Variants in NCKAP5 observed in about 807,000 individuals in gnomAD.
NCKAP5 encodes the protein NCK associated protein 5, also known as nck-associated protein 5.
Under a neutral mutation model 167.0 loss-of-function variants are expected in NCKAP5, and 92 were observed. The observed-to-expected ratio is 0.55, with a 90% CI of 0.47 to 0.66. NCKAP5 has a LOEUF of 0.66. NCKAP5 is among the 30% of genes least tolerant of loss of function. The pLI is 0.00. For synonymous variants in NCKAP5, 891 were observed against 877.4 expected, an observed-to-expected ratio of 1.02 and a Z score of -0.27; for missense variants, 2,378 against 2,315.0, an observed-to-expected ratio of 1.03 and a Z score of -0.56.
the NCKAP5 span, among the ~76,000 whole-genome samples, chr2:133,625,381 C>T: frequency 6.6e-6 from 1 of 152,140 alleles, no homozygotes; most frequent in African/African-American, 2.4e-5. Context: ...TCTTGTAGAA[C>T]TCAAATTGAG....
At chr2:133,487,832 C>T (rs2874399) in intron 3 of NCKAP5, among the ~76,000 whole-genome samples, 57,929 of 152,006 alleles carry the variant, frequency 0.38, 11,159 homozygotes, top group Non-Finnish European at 0.4. Flanking sequence ...CAAAGACCCA[C>T]GACCACCAAA....
chr2:132,827,517 A>G (rs1376497018), intron 11 of NCKAP5, among the ~76,000 whole-genome samples: 1 of 152,170 alleles, frequency 6.6e-6, no homozygotes, highest in Non-Finnish European at 1.5e-5. Flanking sequence ...CATCTCAAAC[A>G]TTTATCTTTC....
chr2:132,938,877 C>T (rs1165331470), intron 8 of NCKAP5, among the ~76,000 whole-genome samples: 1 of 152,030 alleles, frequency 6.6e-6, no homozygotes, highest in African/African-American at 2.4e-5. Context: ...AGGATCAGTC[C>T]CTTGCCCCAG....
intron 8 of NCKAP5, among the ~76,000 whole-genome samples, chr2:132,898,822 T>C (rs1334414760): frequency 6.6e-6 from 1 of 152,218 alleles, no homozygotes. Context: ...AACACATATG[T>C]TGTCACCCAG....
chr2:133,185,417 T>C (rs2084904380), intron 5 of NCKAP5, among the ~76,000 whole-genome samples: 1 of 152,164 alleles, frequency 6.6e-6, no homozygotes, highest in South Asian at 2.1e-4. Flanking sequence ...TATGCTTCTT[T>C]TGCTCCAGAA....
intron 2 of NCKAP5, among the ~76,000 whole-genome samples, chr2:133,547,713 C>T (rs901418792): frequency 2.0e-5 from 3 of 148,870 alleles, no homozygotes; most frequent in South Asian, 4.4e-4. Flanking sequence ...ACATCCACAT[C>T]GAAAACCCAT....
chr2:133,186,038 C>T (rs569217703), intron 5 of NCKAP5, among the ~76,000 whole-genome samples: 57 of 152,068 alleles, frequency 3.7e-4, no homozygotes, highest in African/African-American at 1.2e-3. Context: ...TGTCTTGTTC[C>T]GTTCCTCAAG....
At chr2:133,241,160 C>T (rs182098513) in intron 4 of NCKAP5, among the ~76,000 whole-genome samples, 13 of 152,300 alleles carry the variant, frequency 8.5e-5, no homozygotes, top group Admixed American at 4.6e-4. Flanking sequence ...AACATTCCCA[C>T]GCTGTGCTTA....
At chr2:133,579,267 G>C in the NCKAP5 span, among the ~76,000 whole-genome samples, 3 of 152,322 alleles carry the variant, frequency 2.0e-5, no homozygotes, top group Non-Finnish European at 2.9e-5. Flanking sequence ...TCTAGCAACT[G>C]TCTCTAAAGT....
intron 6 of NCKAP5, among the ~76,000 whole-genome samples, chr2:133,078,064 T>G (rs2080671557): frequency 6.6e-6 from 1 of 152,178 alleles, no homozygotes; most frequent in South Asian, 2.1e-4. Flanking sequence ...ACTTTAGGGT[T>G]CAGTTCCTCA....
chr2:133,209,308 T>A (rs545014952), intron 5 of NCKAP5, among the ~76,000 whole-genome samples: 1 of 150,626 alleles, frequency 6.6e-6, no homozygotes, highest in South Asian at 2.1e-4. Context: ...GAACAGTAAG[T>A]ATGAAAAACG....
At chr2:133,234,193 C>G (rs554236055) in intron 4 of NCKAP5, among the ~76,000 whole-genome samples, 1 of 152,282 alleles carries the variant, frequency 6.6e-6, no homozygotes, top group East Asian at 1.9e-4. Flanking sequence ...CAAGGCTGGT[C>G]ATCAGTGGAG....
At chr2:133,007,787 A>G (rs1013419137) in intron 6 of NCKAP5, among the ~76,000 whole-genome samples, 1 of 152,142 alleles carries the variant, frequency 6.6e-6, no homozygotes, top group African/African-American at 2.4e-5. Flanking sequence ...AATGACTCAA[A>G]TATTTAGCCT....
chr2:133,151,776 C>G (rs548059393), intron 5 of NCKAP5, among the ~76,000 whole-genome samples: 2 of 152,038 alleles, frequency 1.3e-5, no homozygotes, highest in African/African-American at 2.4e-5. Flanking sequence ...AGTTATTTAC[C>G]AAAATATATT....
In NCKAP5 at chr2:133,408,970, G is replaced by C. The variant is rs573428498; in HGVS notation, c.70-105860C>G. Among the ~76,000 whole-genome samples the C allele has an allele frequency of 2.0e-5, 3 of 152,338 alleles. No individual in the cohort carries two copies. In the South Asian group the frequency reaches 6.2e-4, roughly 32 times the overall value. ...AGCCACAGCTGACACACAGGACTAT[G>C]AATGAGGAATAAATGTTGAATACTG... On this transcript the variant is annotated intron_variant, in intron 3 of 19. Transcript: ENST00000409261.
chr2:132,860,325 A>C lies in NCKAP5; in HGVS notation c.807+167T>G, dbSNP rs1689794581. The stretch of plus-strand genomic sequence containing the variant: ...ATCTGCATGTAGCTTTAAAAAGTCA[A>C]GAACTTCAGACACCTTCAAATTTAA... On this transcript the variant is annotated intron_variant, in intron 11 of 19. Coordinates refer to ENST00000409261, the MANE Select transcript of NCKAP5 (RefSeq NM_207363.3). Among the ~76,000 whole-genome samples the C allele has an allele frequency of 3.9e-5, 6 of 152,216 alleles. No individual in the cohort carries two copies. In the South Asian group the frequency reaches 1.2e-3, roughly 32 times the overall value.
At chr2:133,065,409 A>G (rs756578867) in intron 6 of NCKAP5, among the ~76,000 whole-genome samples, 3 of 152,018 alleles carry the variant, frequency 2.0e-5, no homozygotes, top group Non-Finnish European at 2.9e-5. Context: ...GGCAGATCAC[A>G]AGGTCAACAG....
intron 8 of NCKAP5, among the ~76,000 whole-genome samples, chr2:132,886,440 T>A (rs1393288753): frequency 1.1e-4 from 16 of 152,242 alleles, no homozygotes; most frequent in Admixed American, 1.0e-3. Flanking sequence ...GAAATTAACA[T>A]TGATGCAATA....
Position 132,803,103 on chromosome 2 carries a change from A to G in NCKAP5, c.808-6374T>C, listed in dbSNP as rs551035464. On this transcript the variant is annotated intron_variant, in intron 11 of 19. Coordinates refer to ENST00000409261, the MANE Select transcript of NCKAP5 (RefSeq NM_207363.3). ...AAGCTGATGTTTAATTGATTATGCC[A>G]TTATTTCCATTTTGGGCTACAAAGA... 1.6e-4 allele frequency among the ~76,000 whole-genome samples: 25 copies of G among 152,344 alleles called. 1 individual carries two copies. In the South Asian group the frequency reaches 3.5e-3, roughly 21 times the overall value.
Sources: allele counts gnomAD v4.1 joint callset (sites outside exome capture counted in the v4.1 genomes callset), GRCh38; gene constraint gnomAD v4.1.1; transcripts MANE v1.5; gene names NCBI Gene and HGNC (gene_info 2026-07-23, HGNC 2026-07-21).